Variants in LIN28B observed in about 807,000 individuals in gnomAD.
LIN28B encodes the protein protein lin-28 homolog B.
LIN28B carries 5 observed loss-of-function variants against 21.9 expected under a neutral mutation model. That is an observed-to-expected ratio of 0.23 (90% confidence interval 0.12 to 0.48). The LOEUF (loss-of-function observed/expected upper bound fraction) is 0.48, where lower values mean the gene tolerates loss of function less well. Ranked by LOEUF, LIN28B falls within the 20% of genes least tolerant of loss-of-function variation. The pLI, the probability that LIN28B is intolerant of heterozygous loss-of-function variation, is 0.98. For missense variants in LIN28B, 245 were observed against 310.5 expected, an observed-to-expected ratio of 0.79 and a Z score of 1.58; for synonymous variants, 109 against 111.3, an observed-to-expected ratio of 0.98 and a Z score of 0.13.
At chr6:104,973,991 A>G (rs571202399) in intron 2 of LIN28B, among the ~76,000 whole-genome samples, 1 of 152,236 alleles carries the variant, frequency 6.6e-6, no homozygotes, top group African/African-American at 2.4e-5. Context: ...GAAATGTTTT[A>G]CTGTACATCA....
intron 2 of LIN28B, among the ~76,000 whole-genome samples, chr6:104,970,640 C>T (rs368663140): frequency 5.3e-4 from 81 of 152,162 alleles, no homozygotes; most frequent in African/African-American, 1.7e-3. Flanking sequence ...TATCAGTTAT[C>T]TTTTAGCATC....
chr6:104,957,046 GTAA>G (rs1258271135), upstream of LIN28B: 1 of 1,428,166 alleles, frequency 7.0e-7, no homozygotes, highest in Non-Finnish European at 9.1e-7. Context: ...AAGAAAGCAT[GTAA>G]TTGACAAAGT....
chr6:105,077,457 GA>G (rs35675230), intron 3 of LIN28B, among the ~76,000 whole-genome samples: 20,151 of 151,902 alleles, frequency 0.13, 1,860 homozygotes, highest in East Asian at 0.38. Flanking sequence ...AATTTTAGAA[GA>G]AAATCTGATT....
upstream of LIN28B, among the ~76,000 whole-genome samples, chr6:104,956,068 G>GT: frequency 6.6e-6 from 1 of 152,198 alleles, no homozygotes; most frequent in South Asian, 2.1e-4. Context: ...CTTTTAAAAT[G>GT]TCAGGGTACA....
upstream of LIN28B, among the ~76,000 whole-genome samples, chr6:104,953,729 C>T (rs1268640225): frequency 1.3e-5 from 2 of 152,104 alleles, no homozygotes; most frequent in Non-Finnish European, 2.9e-5. Flanking sequence ...TCTCGGCCGC[C>T]TGGGGAGCGA....
intron 3 of LIN28B, among the ~76,000 whole-genome samples, chr6:105,070,592 C>CCACA (rs752057191): frequency 0.042 from 3,911 of 92,194 alleles, 171 homozygotes; most frequent in Middle Eastern, 0.085. Context: ...ATCAATAAAA[C>CCACA]CACACACACA....
intron 2 of LIN28B, among the ~76,000 whole-genome samples, chr6:105,005,316 G>GT (rs1168244900): frequency 6.6e-6 from 1 of 151,894 alleles, no homozygotes; most frequent in African/African-American, 2.4e-5. Context: ...ATTTTGCAGG[G>GT]TTTTTTATTA....
At chr6:104,998,845 T>G (rs1770664988) in intron 2 of LIN28B, among the ~76,000 whole-genome samples, 1 of 152,158 alleles carries the variant, frequency 6.6e-6, no homozygotes, top group Non-Finnish European at 1.5e-5. Context: ...ATTTTTTGGG[T>G]ATTGTGCATG....
At chr6:105,021,799 G>A (rs1248165942) in intron 2 of LIN28B, among the ~76,000 whole-genome samples, 1 of 151,952 alleles carries the variant, frequency 6.6e-6, no homozygotes, top group Non-Finnish European at 1.5e-5. Flanking sequence ...TATTTCTTTT[G>A]CTGTGAAGAA....
At chr6:105,014,238 C>T (rs1770981826) in intron 2 of LIN28B, among the ~76,000 whole-genome samples, 1 of 152,178 alleles carries the variant, frequency 6.6e-6, no homozygotes, top group African/African-American at 2.4e-5. Context: ...GCTTCAACCT[C>T]TTAGGCTCAA....
At chr6:105,040,657 C>T (rs1771613922) in intron 3 of LIN28B, among the ~76,000 whole-genome samples, 1 of 151,726 alleles carries the variant, frequency 6.6e-6, no homozygotes, top group Admixed American at 6.6e-5. Context: ...ATTTAGAGCC[C>T]ACAACTTTAA....
At chr6:104,973,506 G>A (rs1770021031) in intron 2 of LIN28B, among the ~76,000 whole-genome samples, 1 of 152,006 alleles carries the variant, frequency 6.6e-6, no homozygotes, top group African/African-American at 2.4e-5. Flanking sequence ...TCTTTCTTTA[G>A]TCTCCTTCTC....
At chr6:105,016,469 T>C (rs1273436338) in intron 2 of LIN28B, among the ~76,000 whole-genome samples, 1 of 152,200 alleles carries the variant, frequency 6.6e-6, no homozygotes, top group Non-Finnish European at 1.5e-5. Context: ...GAGAATGTTA[T>C]ATTAAGCATT....
intron 3 of LIN28B, among the ~76,000 whole-genome samples, chr6:105,067,902 C>A (rs1252762629): frequency 6.6e-5 from 10 of 152,164 alleles, no homozygotes; most frequent in Admixed American, 6.6e-4. Context: ...TTTCTCTCCC[C>A]TTCCATGTCT....
chr6:104,992,858 T>G (rs1770523751), intron 2 of LIN28B, among the ~76,000 whole-genome samples: 1 of 152,128 alleles, frequency 6.6e-6, no homozygotes, highest in South Asian at 2.1e-4. Context: ...CTTTATACTT[T>G]TACTTTTCTC....
At chr6:105,051,356 T>C (rs1771897740) in intron 3 of LIN28B, among the ~76,000 whole-genome samples, 1 of 151,024 alleles carries the variant, frequency 6.6e-6, no homozygotes, top group East Asian at 1.9e-4. Context: ...GGAGAGTCAC[T>C]TGAACCTGGG....
intron 2 of LIN28B, among the ~76,000 whole-genome samples, chr6:104,978,170 T>C (rs2114600882): frequency 6.6e-6 from 1 of 152,366 alleles, no homozygotes; most frequent in East Asian, 1.9e-4. Context: ...ACCTTCTTTT[T>C]TTCAGTGGAA....
rs983312792 is a variant in LIN28B, at chr6:104,990,577, T to A, written c.198+32291T>A. On this transcript the variant is annotated intron_variant, in intron 2 of 3. Coordinates refer to ENST00000345080, the MANE Select transcript of LIN28B (RefSeq NM_001004317.4). ...CTTGTTTTTTATTTTTTATTTTTTT[T>A]TTTTTATTGATCATTCTTGGGTGTT... 7.4e-3 allele frequency among the ~76,000 whole-genome samples: 1,117 copies of A among 151,812 alleles called. 14 individuals carry two copies. The highest frequency in any genetic ancestry group is 0.025 in the African/African-American group (1,040 of 41,384).
intron 2 of LIN28B, among the ~76,000 whole-genome samples, chr6:105,013,506 G>A (rs1482813192): frequency 1.3e-5 from 2 of 151,910 alleles, no homozygotes; most frequent in Non-Finnish European, 2.9e-5. Flanking sequence ...GGGAGGTTGA[G>A]GCAGGAGGAT....
Sources: allele counts gnomAD v4.1 joint callset (sites outside exome capture counted in the v4.1 genomes callset), GRCh38; gene constraint gnomAD v4.1.1; transcripts MANE v1.5; gene names NCBI Gene and HGNC (gene_info 2026-07-23, HGNC 2026-07-21).